Variants in RYR3 observed in about 807,000 individuals in gnomAD.
RYR3 encodes the protein brain ryanodine receptor-calcium release channel.
RYR3 carries 207 observed loss-of-function variants against 584.3 expected under a neutral mutation model. The observed-to-expected ratio is 0.35, with a 90% CI of 0.32 to 0.40. The LOEUF (loss-of-function observed/expected upper bound fraction) is 0.40, where lower values mean the gene tolerates loss of function less well. Ranked by LOEUF, RYR3 falls within the 10% of genes least tolerant of loss-of-function variation. The pLI is 1.00. For missense variants in RYR3, 5,616 were observed against 6,089.2 expected (o/e 0.92, Z 2.59); for synonymous variants, 2,416 against 2,248.5 (o/e 1.07, Z -2.11).
intron 31 of RYR3, among the ~76,000 whole-genome samples, chr15:33,649,965 C>G (rs2062367009): frequency 6.6e-6 from 1 of 152,184 alleles, no homozygotes; most frequent in African/African-American, 2.4e-5. Flanking sequence ...GGCCTTTGCT[C>G]CCTACGAAGA....
intron 10 of RYR3, among the ~76,000 whole-genome samples, chr15:33,558,852 T>C (rs1410808234): frequency 6.6e-6 from 1 of 152,178 alleles, no homozygotes; most frequent in Non-Finnish European, 1.5e-5. Flanking sequence ...GGACACGCCA[T>C]ACCACACAGG....
intron 1 of RYR3, among the ~76,000 whole-genome samples, chr15:33,346,330 T>C (rs190371287): frequency 1.3e-5 from 2 of 152,346 alleles, no homozygotes; most frequent in East Asian, 3.9e-4. Flanking sequence ...TTTTATTGTG[T>C]CTACATACTG....
intron 45 of RYR3, among the ~76,000 whole-genome samples, chr15:33,725,360 G>A (rs890446147): frequency 2.0e-5 from 3 of 152,116 alleles, no homozygotes; most frequent in African/African-American, 7.2e-5. Context: ...GTGGCACCAA[G>A]CATCGTATCT....
intron 16 of RYR3, among the ~76,000 whole-genome samples, chr15:33,587,843 G>A (rs2058933756): frequency 6.6e-6 from 1 of 152,110 alleles, no homozygotes; most frequent in African/African-American, 2.4e-5. Context: ...TGTATTTGTG[G>A]TCATTTTGCA....
chr15:33,671,004 T>TG (rs997503370), intron 38 of RYR3, among the ~76,000 whole-genome samples: 7 of 152,066 alleles, frequency 4.6e-5, no homozygotes, highest in East Asian at 1.9e-4. Context: ...GATATGAGTT[T>TG]GGGGGGGTTG....
intron 38 of RYR3, among the ~76,000 whole-genome samples, chr15:33,679,506 G>A (rs183520473): frequency 1.3e-5 from 2 of 152,226 alleles, no homozygotes; most frequent in East Asian, 3.9e-4. Context: ...GAAGCCAAAG[G>A]CTTTCATTTG....
intron 85 of RYR3, among the ~76,000 whole-genome samples, 199 bp downstream of exon 85, chr15:33,827,486 A>G (rs924977871): frequency 4.6e-5 from 7 of 152,226 alleles, no homozygotes; most frequent in African/African-American, 1.7e-4. Flanking sequence ...GTGGTTAAAC[A>G]CCAAATCGTC....
At chr15:33,688,288 G>C (rs139931566) in intron 38 of RYR3, among the ~76,000 whole-genome samples, 3 of 152,072 alleles carry the variant, frequency 2.0e-5, no homozygotes, top group South Asian at 2.1e-4. Flanking sequence ...AGACATTTAT[G>C]GGGGGCTGGG....
chr15:33,610,871 T>C (rs1025646800), intron 18 of RYR3, among the ~76,000 whole-genome samples: 4 of 152,226 alleles, frequency 2.6e-5, no homozygotes, highest in Non-Finnish European at 2.9e-5. Flanking sequence ...TTTTGACTTT[T>C]TTGATGGTGA....
chr15:33,803,785 G>A (rs1219453414), intron 69 of RYR3, among the ~76,000 whole-genome samples: 1 of 152,202 alleles, frequency 6.6e-6, no homozygotes, highest in Admixed American at 6.5e-5. Flanking sequence ...AGAGTGCAGG[G>A]ATTACAGGCG....
At chr15:33,621,769 C>T (rs1195940860) in intron 19 of RYR3, among the ~76,000 whole-genome samples, 1 of 152,058 alleles carries the variant, frequency 6.6e-6, no homozygotes, top group Non-Finnish European at 1.5e-5. Context: ...GGAAAAAAAC[C>T]TTAGCACCTC....
intron 1 of RYR3, among the ~76,000 whole-genome samples, chr15:33,362,740 C>G (rs1282908353): frequency 6.6e-6 from 1 of 152,176 alleles, no homozygotes; most frequent in Non-Finnish European, 1.5e-5. Flanking sequence ...GCTTGGAGAG[C>G]CCTTCCTTGA....
At position 33,791,279 on chromosome 15, in the gene RYR3, A is replaced by G. The variant is rs537033265; in HGVS notation, c.9830+2821A>G. ...AACATGTAAGAGAGAGACAATTTCTAAGGCAATGCCCTTGAGCAGGCGAAA... is the reference window on the plus strand; with the variant it reads ...AACATGTAAGAGAGAGACAATTTCTGAGGCAATGCCCTTGAGCAGGCGAAA... On this transcript the variant is annotated intron_variant, in intron 67 of 103. Transcript: ENST00000634891. 1.8e-3 allele frequency among the ~76,000 whole-genome samples: 268 copies of G among 152,274 alleles called. 1 individual carries two copies. Among genetic ancestry groups the G allele is most frequent in the Non-Finnish European group, 2.5e-3 (169 of 68,018 alleles).
intron 1 of RYR3, among the ~76,000 whole-genome samples, chr15:33,320,886 GA>G (rs1231768224): frequency 1.3e-5 from 2 of 152,110 alleles, no homozygotes; most frequent in Non-Finnish European, 2.9e-5. Flanking sequence ...TTTATTATTG[GA>G]AAGTACAAAG....
intron 1 of RYR3, among the ~76,000 whole-genome samples, chr15:33,434,295 A>G (rs1322243727): frequency 1.3e-5 from 2 of 151,892 alleles, no homozygotes; most frequent in African/African-American, 4.8e-5. Flanking sequence ...TTACAGCGTC[A>G]GAAGTTTGCT....
chr15:33,670,546 G>C lies in RYR3; in HGVS notation c.5850G>C (p.Glu1950Asp), dbSNP rs375572608. 19 of 1,578,230 alleles carry C rather than the reference G, an allele frequency of 1.2e-5. No individual in the cohort carries two copies. The South Asian group carries it at 2.1e-4, about 18-fold the overall frequency. Residue 1950 changes from glutamate (E) to aspartate (D), a missense_variant, in exon 38 of 104, where the codon GAG (glutamate) becomes GAC (aspartate). Physicochemically the swap from Glu to Asp is conservative, Grantham distance 45. Transcript: ENST00000634891. ...PEKEQPTEEE[E>D]RCPTTLKELI... is the part of the protein sequence containing the mutation. ...AGGAGCAGCCGACGGAGGAGGAGGAGAGATGCCCCAGTAAGTGACATTGCC... is the reference window on the plus strand; with the variant it reads ...AGGAGCAGCCGACGGAGGAGGAGGACAGATGCCCCAGTAAGTGACATTGCC...
intron 1 of RYR3, among the ~76,000 whole-genome samples, chr15:33,382,319 CTTTTT>C (rs34767570): frequency 1.9e-4 from 20 of 104,780 alleles, no homozygotes; most frequent in East Asian, 3.1e-4. Context: ...TTAAAAGTGG[CTTTTT>C]TTTTTTTTTT....
chr15:33,435,873 G>C (rs530746130), intron 1 of RYR3, among the ~76,000 whole-genome samples: 4 of 152,354 alleles, frequency 2.6e-5, no homozygotes, highest in Non-Finnish European at 4.4e-5. Context: ...AGGAACCCAA[G>C]TGAGTTGCCA....
intron 71 of RYR3, 23 bp downstream of exon 71, chr15:33,810,672 C>T: frequency 6.2e-7 from 1 of 1,613,656 alleles, no homozygotes; most frequent in South Asian, 1.1e-5. Context: ...TCTGCCTGGG[C>T]TGAGTGTGTG....
Sources: allele counts gnomAD v4.1 joint callset (sites outside exome capture counted in the v4.1 genomes callset), GRCh38; gene constraint gnomAD v4.1.1; transcripts MANE v1.5; gene names NCBI Gene and HGNC (gene_info 2026-07-23, HGNC 2026-07-21).